Variants in HUNK observed in about 807,000 individuals in gnomAD.
HUNK encodes hormonally up-regulated Neu-associated kinase.
A neutral mutation model predicts 61.0 loss-of-function variants in HUNK; 21 were observed. That is an observed-to-expected ratio of 0.34 (90% CI 0.24 to 0.50). The LOEUF (loss-of-function observed/expected upper bound fraction) is 0.50. Ranked by LOEUF, HUNK falls within the 20% of genes least tolerant of loss-of-function variation. HUNK has a pLI of 0.98. For missense variants in HUNK, 772 were observed against 945.7 expected (o/e 0.82, Z 2.41); for synonymous variants, 371 against 386.1 (o/e 0.96, Z 0.46).
At chr21:31,949,934 G>A (rs1322305444) in intron 4 of HUNK, among the ~76,000 whole-genome samples, 1 of 152,150 alleles carries the variant, frequency 6.6e-6, no homozygotes, top group Admixed American at 6.5e-5. Context: ...ACCCTTCAAG[G>A]TAGTGCTGTA....
intron 6 of HUNK, among the ~76,000 whole-genome samples, chr21:31,968,763 A>AGT (rs2052988129): frequency 7.1e-6 from 1 of 140,184 alleles, no homozygotes. Context: ...TGAGAGAGAG[A>AGT]GAGTGAGTGT....
intron 1 of HUNK, among the ~76,000 whole-genome samples, chr21:31,918,260 A>T (rs1366259380): frequency 6.6e-6 from 1 of 152,172 alleles, no homozygotes; most frequent in Non-Finnish European, 1.5e-5. Flanking sequence ...ACAAGCTGAT[A>T]ATGAGCTGGT....
intron 5 of HUNK, among the ~76,000 whole-genome samples, chr21:31,963,277 T>C (rs1378418855): frequency 6.6e-6 from 1 of 152,242 alleles, no homozygotes; most frequent in East Asian, 1.9e-4. Context: ...TTAAGTCTGC[T>C]TGACTGAAAA....
intron 1 of HUNK, among the ~76,000 whole-genome samples, chr21:31,913,895 A>G (rs1055232628): frequency 3.3e-5 from 5 of 151,932 alleles, no homozygotes; most frequent in Non-Finnish European, 5.9e-5. Context: ...CACAGGGAGT[A>G]GTGGGAGTGG....
chr21:31,951,675 G>A (rs2052850906), intron 4 of HUNK, among the ~76,000 whole-genome samples: 1 of 152,196 alleles, frequency 6.6e-6, no homozygotes, highest in South Asian at 2.1e-4. Context: ...CCTGTCTCCA[G>A]TGCTGTACCT....
chr21:31,931,592 A>G (rs1190964747), intron 2 of HUNK, among the ~76,000 whole-genome samples: 1 of 152,056 alleles, frequency 6.6e-6, no homozygotes, highest in African/African-American at 2.4e-5. Context: ...AGAGAGAGCC[A>G]GACCCCAGCA....
intron 1 of HUNK, among the ~76,000 whole-genome samples, chr21:31,877,796 G>A (rs1352563776): frequency 6.6e-6 from 1 of 152,152 alleles, no homozygotes; most frequent in Non-Finnish European, 1.5e-5. Context: ...TGTGCTTGCA[G>A]AGCCTGGTAT....
chr21:31,939,091 G>A (rs1403768488), intron 2 of HUNK, among the ~76,000 whole-genome samples: 1 of 152,108 alleles, frequency 6.6e-6, no homozygotes, highest in African/African-American at 2.4e-5. Flanking sequence ...CACTCAACAT[G>A]ACCCTGGGCT....
intron 1 of HUNK, among the ~76,000 whole-genome samples, chr21:31,893,405 C>G (rs2052404391): frequency 6.6e-6 from 1 of 152,160 alleles, no homozygotes; most frequent in South Asian, 2.1e-4. Context: ...CTTTTCGGAG[C>G]TGCTTCTTTG....
chr21:31,974,831 G>A, intron 7 of HUNK, 114 bp downstream of exon 7: 1 of 1,013,766 alleles, frequency 9.9e-7, no homozygotes, highest in South Asian at 2.0e-5. Flanking sequence ...TTAATCTAAT[G>A]TGAGGCTGAG....
intron 2 of HUNK, among the ~76,000 whole-genome samples, chr21:31,935,154 T>G (rs750413281): frequency 6.6e-6 from 1 of 152,232 alleles, no homozygotes; most frequent in Non-Finnish European, 1.5e-5. Context: ...CACAGTGAAC[T>G]GCCTGAGTGA....
At chr21:31,908,108 T>A (rs939295397) in intron 1 of HUNK, among the ~76,000 whole-genome samples, 2 of 152,152 alleles carry the variant, frequency 1.3e-5, no homozygotes, top group African/African-American at 4.8e-5. Flanking sequence ...ATGACTATTG[T>A]ATAAAAGCAT....
intron 1 of HUNK, among the ~76,000 whole-genome samples, chr21:31,891,897 C>CT (rs1296734728): frequency 6.6e-6 from 1 of 152,012 alleles, no homozygotes; most frequent in Non-Finnish European, 1.5e-5. Context: ...TCATAGTTGT[C>CT]TGCAGAAAAA....
chr21:31,984,598 C>T (rs1186243338), intron 8 of HUNK, among the ~76,000 whole-genome samples: 2 of 152,150 alleles, frequency 1.3e-5, no homozygotes, highest in African/African-American at 2.4e-5. Flanking sequence ...AAACTAGGCT[C>T]CTGTAGCAAA....
intron 4 of HUNK, among the ~76,000 whole-genome samples, chr21:31,953,207 G>GCTA (rs2052863732): frequency 6.6e-6 from 1 of 151,682 alleles, no homozygotes; most frequent in Non-Finnish European, 1.5e-5. Flanking sequence ...AAATCTCCTA[G>GCTA]CTAGGAGTGT....
intron 1 of HUNK, among the ~76,000 whole-genome samples, chr21:31,902,434 T>C (rs2052475010): frequency 6.6e-6 from 1 of 152,028 alleles, no homozygotes; most frequent in Non-Finnish European, 1.5e-5. Context: ...CACTTGAACC[T>C]GGGAGACGGA....
In HUNK at chr21:31,945,606, A is replaced by T. The variant is rs117155254; in HGVS notation, c.611-430A>T. 2.3e-4 allele frequency among the ~76,000 whole-genome samples: 35 copies of T among 152,324 alleles called. No homozygotes were observed. In the East Asian group the frequency reaches 6.4e-3, roughly 28 times the overall value. Reference sequence around the variant, plus strand: ...GTCACTGAGGGTGACACAGGCAGCCAGAGAGAATCAATCTTCCCTCATCTT... The same window carrying T: ...GTCACTGAGGGTGACACAGGCAGCCTGAGAGAATCAATCTTCCCTCATCTT... On this transcript the variant is annotated intron_variant, in intron 3 of 10. Coordinates refer to ENST00000270112, the MANE Select transcript of HUNK (RefSeq NM_014586.2).
At chr21:31,974,367 G>C in intron 6 of HUNK, 188 bp from the exon 7 acceptor site, 1 of 468,872 alleles carries the variant, frequency 2.1e-6, no homozygotes, top group East Asian at 3.4e-5. Context: ...GGTATATCTA[G>C]ATGATGGTAT....
intron 4 of HUNK, among the ~76,000 whole-genome samples, chr21:31,948,307 C>T (rs1197481868): frequency 6.6e-6 from 1 of 152,224 alleles, no homozygotes; most frequent in Non-Finnish European, 1.5e-5. Context: ...ACACAGCCTG[C>T]TCCTGCTACA....
Sources: gnomAD v4.1 joint callset for allele counts (sites outside exome capture counted in the v4.1 genomes callset) on GRCh38, gnomAD v4.1.1 for gene constraint, MANE v1.5 for transcripts, NCBI Gene and HGNC (gene_info 2026-07-23, HGNC 2026-07-21) for gene names.